The following MTMR3 variants were observed in gnomAD, a reference collection of about 807,000 sequenced individuals.
The protein encoded by MTMR3 is myotubularin related protein 3.
In MTMR3, 32 loss-of-function variants were observed where a neutral mutation model predicts 132.4. The ratio of observed to expected loss-of-function variants is 0.24; its 90% CI spans 0.18 to 0.32. MTMR3 has a LOEUF of 0.32. Among genes scored for constraint, MTMR3 ranks in the 10% least tolerant of loss-of-function variants. The probability of loss-of-function intolerance (pLI) is 1.00; values close to 1 mark genes in which losing one functional copy is unlikely to be tolerated. For missense variants in MTMR3, 1,216 were observed against 1,489.6 expected (o/e 0.82, Z 3.02); for synonymous variants, 556 against 550.3 (o/e 1.01, Z -0.14).
At chr22:29,885,973 C>G (rs5752976) in intron 1 of MTMR3, among the ~76,000 whole-genome samples, 9,129 of 152,202 alleles carry the variant, frequency 0.06, 510 homozygotes, top group South Asian at 0.24. Flanking sequence ...CCTGTCAAAT[C>G]ATAGAGTAGT....
At chr22:29,919,668 A>G (rs572005009) in intron 1 of MTMR3, among the ~76,000 whole-genome samples, 19 of 152,018 alleles carry the variant, frequency 1.2e-4, no homozygotes, top group Non-Finnish European at 2.5e-4. Flanking sequence ...GACTACAGGC[A>G]TGTGCCACCA....
intron 11 of MTMR3, chr22:30,008,511 C>T (rs2067326206): frequency 6.2e-6 from 1 of 161,712 alleles, no homozygotes; most frequent in Admixed American, 6.0e-5. Context: ...AACACCATTA[C>T]TGTTGGAATG....
At chr22:30,021,784 C>A in intron 17 of MTMR3, 1 of 462,698 alleles carries the variant, frequency 2.2e-6, no homozygotes, top group Non-Finnish European at 3.9e-6. Context: ...CTTTCTGGAA[C>A]CCTGAGGGCC....
intron 2 of MTMR3, among the ~76,000 whole-genome samples, chr22:29,968,330 T>A (rs1243812176): frequency 1.3e-5 from 2 of 152,234 alleles, no homozygotes; most frequent in Admixed American, 1.3e-4. Context: ...TTAAATTGTT[T>A]AAGATACAGC....
At chr22:29,950,139 A>T (rs1387963636) in intron 1 of MTMR3, among the ~76,000 whole-genome samples, 1 of 152,176 alleles carries the variant, frequency 6.6e-6, no homozygotes, top group African/African-American at 2.4e-5. Context: ...GGCTGGAGCT[A>T]GTCTTTCTGA....
chr22:29,907,093 A>T (rs2065118549), intron 1 of MTMR3, among the ~76,000 whole-genome samples: 1 of 151,400 alleles, frequency 6.6e-6, no homozygotes, highest in South Asian at 2.1e-4. Context: ...ACAAAATCCA[A>T]AAACATCCTA....
chr22:29,935,366 A>C (rs1241945062), intron 1 of MTMR3, among the ~76,000 whole-genome samples: 1 of 152,172 alleles, frequency 6.6e-6, no homozygotes, highest in Non-Finnish European at 1.5e-5. Flanking sequence ...AAGATTACAG[A>C]ACTACTAGAT....
rs776315369 is a variant in MTMR3 at position 29,950,874 on chromosome 22, C to T, written c.-137-6162C>T. ...TCTGAGTTAAAAGTATAAAGTGGGC[C>T]GGGCGCAGTGGCTTACGCCTGTAAT... is the stretch of plus-strand genomic sequence containing the variant. On this transcript the variant is annotated intron_variant, in intron 1 of 19. Transcript: ENST00000401950. Among the ~76,000 whole-genome samples the T allele has an allele frequency of 1.4e-4, 21 of 152,098 alleles. 1 individual carries two copies. Among genetic ancestry groups the T allele is most frequent in the Non-Finnish European group, 2.6e-4 (18 of 68,040 alleles).
At chr22:29,964,073 A>C (rs2066367508) in intron 2 of MTMR3, among the ~76,000 whole-genome samples, 1 of 152,170 alleles carries the variant, frequency 6.6e-6, no homozygotes, top group Admixed American at 6.5e-5. Flanking sequence ...GCACTATTTT[A>C]CATTCTCACT....
At chr22:29,962,482 C>T (rs2145854118) in intron 2 of MTMR3, among the ~76,000 whole-genome samples, 1 of 152,208 alleles carries the variant, frequency 6.6e-6, no homozygotes, top group East Asian at 1.9e-4. Context: ...GCCTGGACAA[C>T]ATGGTGTGAG....
chr22:30,008,977 G>A, intron 11 of MTMR3, 41 bp from the exon 12 acceptor site: 1 of 1,431,090 alleles, frequency 7.0e-7, no homozygotes, highest in Middle Eastern at 1.8e-4. Context: ...TGGGCTTTAA[G>A]TTCAACGTAT....
At chr22:29,927,589 CG>C (rs1555898465) in intron 1 of MTMR3, among the ~76,000 whole-genome samples, 1 of 151,650 alleles carries the variant, frequency 6.6e-6, no homozygotes, top group Non-Finnish European at 1.5e-5. Flanking sequence ...GGTGTTTAGC[CG>C]GTACTTCTGT....
chr22:29,966,737 G>GCA (rs2066425771), intron 2 of MTMR3, among the ~76,000 whole-genome samples: 2 of 69,414 alleles, frequency 2.9e-5, no homozygotes, highest in Non-Finnish European at 6.1e-5. Context: ...GTGTGTGTGT[G>GCA]TGTGTGTGTG....
chr22:29,930,308 T>A (rs1215754057), intron 1 of MTMR3, among the ~76,000 whole-genome samples: 2 of 152,206 alleles, frequency 1.3e-5, no homozygotes, highest in African/African-American at 4.8e-5. Context: ...ACTGATCATA[T>A]CTCCATCACT....
At chr22:29,988,802 AT>A in intron 6 of MTMR3, 1 of 271,814 alleles carries the variant, frequency 3.7e-6, no homozygotes, top group Non-Finnish European at 7.0e-6. Context: ...AAAAATAAAA[AT>A]ACTAAAAAGA....
At chr22:30,017,895 A>G (rs367734177) in intron 15 of MTMR3, 32 bp from the exon 16 acceptor site, 9 of 1,610,952 alleles carry the variant, frequency 5.6e-6, no homozygotes, top group African/African-American at 1.3e-5. Flanking sequence ...TTATTGGGGC[A>G]TATTTAAACC....
intron 14 of MTMR3, chr22:30,013,968 CTCA>C (rs2067502647): frequency 6.3e-6 from 1 of 159,220 alleles, no homozygotes; most frequent in African/African-American, 2.4e-5. Flanking sequence ...CTCATCTCCT[CTCA>C]TCTGCTGCAC....
intron 1 of MTMR3, among the ~76,000 whole-genome samples, chr22:29,901,034 C>T (rs573526653): frequency 5.3e-5 from 8 of 152,178 alleles, no homozygotes; most frequent in Non-Finnish European, 7.4e-5. Context: ...TGTGAAAATA[C>T]GTAAAGACTT....
chr22:30,013,685 T>G (rs2067493360), intron 14 of MTMR3, 144 bp downstream of exon 14: 1 of 763,870 alleles, frequency 1.3e-6, no homozygotes, highest in African/African-American at 1.8e-5. Flanking sequence ...TTTTTTTTAG[T>G]AAATAATTTT....
Sources: allele counts gnomAD v4.1 joint callset (sites outside exome capture counted in the v4.1 genomes callset), GRCh38; gene constraint gnomAD v4.1.1; transcripts MANE v1.5; gene names NCBI Gene and HGNC (gene_info 2026-07-23, HGNC 2026-07-21).